CDC42SE2: variants seen among roughly 807,000 people sequenced by gnomAD.
CDC42SE2 encodes the protein CDC42 small effector 2.
CDC42SE2 carries 3 observed loss-of-function variants against 11.5 expected under a neutral mutation model. That is an observed-to-expected ratio of 0.26 (90% CI 0.12 to 0.67). The LOEUF (loss-of-function observed/expected upper bound fraction) is 0.67, where lower values mean the gene tolerates loss of function less well. Among genes scored for constraint, CDC42SE2 ranks in the 30% least tolerant of loss-of-function variants. The pLI, the probability that CDC42SE2 is intolerant of heterozygous loss-of-function variation, is 0.80. For missense variants in CDC42SE2, 82 were observed against 106.8 expected (o/e 0.77, Z 1.02); for synonymous variants, 33 against 34.8 (o/e 0.95, Z 0.18).
intron 2 of CDC42SE2, among the ~76,000 whole-genome samples, chr5:131,330,931 C>T (rs566970594): frequency 2.0e-5 from 3 of 151,056 alleles, no homozygotes; most frequent in Admixed American, 6.6e-5. Context: ...GAGGCTGAGG[C>T]GAGAGAATTG....
intron 1 of CDC42SE2, among the ~76,000 whole-genome samples, chr5:131,299,215 G>T (rs1757631887): frequency 6.6e-6 from 1 of 152,132 alleles, no homozygotes; most frequent in Admixed American, 6.5e-5. Flanking sequence ...ATTAAAGGGG[G>T]TTTTACGTCA....
rs1397857569 is a variant in CDC42SE2 at position 131,391,234 on chromosome 5, T to C, written c.*143T>C. ...ATTGGGAAAGGCAAAATTACTCAGC[T>C]AAGTGTAGTTTCTGCACTTGGAATG... On this transcript the variant is annotated 3_prime_UTR_variant, in exon 5 of 5. Transcript: ENST00000505065. 6.4e-6 allele frequency: 2 copies of C among 311,052 alleles called. No individual in the cohort carries two copies. Among genetic ancestry groups the C allele is most frequent in the Admixed American group, 5.0e-5 (1 of 19,902 alleles). The allele number at this position is 311,052 out of a possible 1,614,324, so 19.3% of individuals were successfully genotyped here. A position where few individuals can be genotyped will look rare whatever the true frequency, so the allele number is the denominator to read the frequency against.
chr5:131,345,152 C>T (rs1390469363), intron 2 of CDC42SE2, among the ~76,000 whole-genome samples: 1 of 151,624 alleles, frequency 6.6e-6, no homozygotes, highest in African/African-American at 2.4e-5. Flanking sequence ...CAGAGAATGA[C>T]TTTGGCAAGT....
At chr5:131,310,516 C>G (rs1257960932) in intron 1 of CDC42SE2, among the ~76,000 whole-genome samples, 7 of 151,874 alleles carry the variant, frequency 4.6e-5, no homozygotes, top group Non-Finnish European at 8.8e-5. Context: ...GACTTTCTGT[C>G]TCATTGATCT....
chr5:131,344,359 G>A (rs567308258), intron 2 of CDC42SE2, among the ~76,000 whole-genome samples: 5 of 152,278 alleles, frequency 3.3e-5, no homozygotes, highest in South Asian at 2.1e-4. Context: ...TATATCCTGC[G>A]CCTGACTAAG....
chr5:131,235,292 ATT>A, the CDC42SE2 span, among the ~76,000 whole-genome samples: 194 of 138,834 alleles, frequency 1.4e-3, no homozygotes, highest in Middle Eastern at 3.8e-3. Context: ...ACATCCAGAC[ATT>A]TTTTTTTTTT....
intron 1 of CDC42SE2, among the ~76,000 whole-genome samples, 167 bp downstream of exon 1, chr5:131,264,333 TCCATTTCAGGTTTGGGCG>T (rs2149687973): frequency 6.6e-6 from 1 of 152,222 alleles, no homozygotes; most frequent in Admixed American, 6.5e-5. Context: ...GCCTGCGTCT[TCCATTTCAGGTTTGGGCG>T]AGGTCCTCAT....
intron 1 of CDC42SE2, among the ~76,000 whole-genome samples, chr5:131,288,921 T>G (rs573046892): frequency 6.6e-6 from 1 of 152,318 alleles, no homozygotes; most frequent in South Asian, 2.1e-4. Flanking sequence ...CCCCACCACT[T>G]TTCAAATTGA....
intron 1 of CDC42SE2, among the ~76,000 whole-genome samples, chr5:131,308,037 A>G (rs973582473): frequency 2.8e-4 from 42 of 152,108 alleles, no homozygotes; most frequent in African/African-American, 9.4e-4. Flanking sequence ...CTCTGATGGT[A>G]GTTTCTTTTG....
intron 1 of CDC42SE2, among the ~76,000 whole-genome samples, chr5:131,308,584 G>A (rs373791467): frequency 6.6e-5 from 10 of 151,602 alleles, no homozygotes; most frequent in African/African-American, 2.2e-4. Context: ...TGAGCATGGA[G>A]TGTTCTTCCA....
At chr5:131,324,039 A>G (rs935172090) in intron 2 of CDC42SE2, among the ~76,000 whole-genome samples, 1 of 152,200 alleles carries the variant, frequency 6.6e-6, no homozygotes, top group East Asian at 1.9e-4. Flanking sequence ...CTTATAAAGT[A>G]TTTTACATTT....
chr5:131,358,465 A>G (rs926813798), intron 2 of CDC42SE2, among the ~76,000 whole-genome samples: 1 of 152,166 alleles, frequency 6.6e-6, no homozygotes, highest in African/African-American at 2.4e-5. Flanking sequence ...GACTAAGGAC[A>G]TCCTTAAAGT....
At chr5:131,254,696 A>G (rs76280382) in intron 1 of CDC42SE2, among the ~76,000 whole-genome samples, 1 of 152,074 alleles carries the variant, frequency 6.6e-6, no homozygotes, top group Non-Finnish European at 1.5e-5. Context: ...TAGAAAGAAA[A>G]AAGCTTATGT....
At chr5:131,258,827 A>T (rs1300551578) in intron 2 of CDC42SE2, among the ~76,000 whole-genome samples, 1 of 152,222 alleles carries the variant, frequency 6.6e-6, no homozygotes, top group Non-Finnish European at 1.5e-5. Context: ...GTGTCTATTT[A>T]TTCAAATGTT....
At chr5:131,211,419 C>T in the CDC42SE2 span, among the ~76,000 whole-genome samples, 1 of 152,146 alleles carries the variant, frequency 6.6e-6, no homozygotes, top group African/African-American at 2.4e-5. Context: ...ATTTATTTCA[C>T]CATTTAAAGA....
intron 1 of CDC42SE2, among the ~76,000 whole-genome samples, chr5:131,296,888 C>CT (rs1757580599): frequency 1.3e-5 from 2 of 151,608 alleles, no homozygotes; most frequent in Non-Finnish European, 1.5e-5. Context: ...TTCTTTCTTT[C>CT]TTTTTTTTAT....
chr5:131,340,546 G>C (rs1183957381), intron 2 of CDC42SE2, among the ~76,000 whole-genome samples: 2 of 152,084 alleles, frequency 1.3e-5, no homozygotes, highest in African/African-American at 4.8e-5. Flanking sequence ...TTTCTGTTCT[G>C]TATTAGTAAC....
chr5:131,337,069 C>T (rs1758584041), intron 2 of CDC42SE2, among the ~76,000 whole-genome samples: 1 of 152,138 alleles, frequency 6.6e-6, no homozygotes, highest in Non-Finnish European at 1.5e-5. Flanking sequence ...TCCGGTTTTT[C>T]TGCTCTGTTT....
chr5:131,277,552 C>G (rs1757129568), intron 1 of CDC42SE2, among the ~76,000 whole-genome samples: 2 of 152,324 alleles, frequency 1.3e-5, no homozygotes, highest in Admixed American at 6.5e-5. Flanking sequence ...ACTCAACAGT[C>G]TGTACATAAT....
Sources: gnomAD v4.1 joint callset for allele counts (sites outside exome capture counted in the v4.1 genomes callset) on GRCh38, gnomAD v4.1.1 for gene constraint, MANE v1.5 for transcripts, NCBI Gene and HGNC (gene_info 2026-07-23, HGNC 2026-07-21) for gene names.